The following SCHIP1 variants were observed in gnomAD, a reference collection of about 807,000 sequenced individuals.
SCHIP1 encodes schwannomin-interacting protein 1.
A neutral mutation model predicts 29.7 loss-of-function variants in SCHIP1; 8 were observed. The observed-to-expected ratio is 0.27, with a 90% CI of 0.16 to 0.49. SCHIP1 has a LOEUF of 0.49. SCHIP1 is among the 20% of genes least tolerant of loss of function. The pLI, the probability that SCHIP1 is intolerant of heterozygous loss-of-function variation, is 0.99. For missense variants in SCHIP1, 193 were observed against 294.6 expected, an observed-to-expected ratio of 0.66 and a Z score of 2.52; for synonymous variants, 76 against 94.9, an observed-to-expected ratio of 0.80 and a Z score of 1.16.
At chr3:159,398,963 T>C in the SCHIP1 span, 1,741 of 983,424 alleles carry the variant, frequency 1.8e-3, 5 homozygotes, top group South Asian at 8.0e-3. Flanking sequence ...GTGTGGGCAA[T>C]TTGCCCAGTC....
the SCHIP1 span, among the ~76,000 whole-genome samples, chr3:159,357,615 A>G: frequency 6.6e-6 from 1 of 152,254 alleles, no homozygotes; most frequent in East Asian, 1.9e-4. Flanking sequence ...TTTCTGAAAC[A>G]AAGGTCCTTT....
At chr3:159,619,895 G>C in the SCHIP1 span, among the ~76,000 whole-genome samples, 6 of 152,150 alleles carry the variant, frequency 3.9e-5, no homozygotes, top group African/African-American at 1.4e-4. Context: ...TAGAAAGGGG[G>C]AATGCTAAAA....
the SCHIP1 span, among the ~76,000 whole-genome samples, chr3:159,785,192 A>T: frequency 6.6e-6 from 1 of 152,224 alleles, no homozygotes; most frequent in African/African-American, 2.4e-5. Context: ...GTTAGTAAAT[A>T]AACAAATGAA....
chr3:159,896,915 C>A, exon 7 of SCHIP1: 2 of 802,546 alleles, frequency 2.5e-6, no homozygotes, highest in African/African-American at 1.8e-5. Context: ...CAGTGATTGG[C>A]CTTTGCTTCT....
the SCHIP1 span, among the ~76,000 whole-genome samples, chr3:159,652,809 G>T: frequency 6.6e-6 from 1 of 152,190 alleles, no homozygotes; most frequent in Admixed American, 6.5e-5. Context: ...TTTAGGACTA[G>T]TTTGTAATGA....
chr3:159,650,398 T>G, the SCHIP1 span, among the ~76,000 whole-genome samples: 1 of 152,190 alleles, frequency 6.6e-6, no homozygotes, highest in African/African-American at 2.4e-5. Flanking sequence ...AAAATTGTTG[T>G]AGAAGTTACG....
chr3:159,470,509 A>T, the SCHIP1 span, among the ~76,000 whole-genome samples: 1 of 152,134 alleles, frequency 6.6e-6, no homozygotes, highest in African/African-American at 2.4e-5. Flanking sequence ...ACAGAGCTAT[A>T]ATGGGCCCAG....
chr3:159,472,771 G>C, the SCHIP1 span, among the ~76,000 whole-genome samples: 1 of 152,176 alleles, frequency 6.6e-6, no homozygotes, highest in Non-Finnish European at 1.5e-5. Flanking sequence ...GGAGCCACCA[G>C]TACCGACCTG....
At chr3:159,887,605 T>A in intron 3 of SCHIP1, 103 bp from the exon 5 acceptor site, 2 of 1,332,938 alleles carry the variant, frequency 1.5e-6, no homozygotes, top group Non-Finnish European at 2.1e-6. Flanking sequence ...GAGGGAACTC[T>A]GAGCTGCTCT....
the SCHIP1 span, among the ~76,000 whole-genome samples, chr3:159,393,829 AG>A: frequency 1.3e-5 from 2 of 152,034 alleles, no homozygotes; most frequent in African/African-American, 4.8e-5. Context: ...ACTTTAAAGT[AG>A]TTTTTGCCAA....
At chr3:159,862,195 C>G (rs569525853) in intron 1 of SCHIP1, among the ~76,000 whole-genome samples, 7 of 152,200 alleles carry the variant, frequency 4.6e-5, no homozygotes, top group African/African-American at 7.2e-5. Flanking sequence ...AGAAGTAGAC[C>G]CATAAGTCTT....
the SCHIP1 span, among the ~76,000 whole-genome samples, chr3:159,483,866 T>C: frequency 6.6e-6 from 1 of 152,146 alleles, no homozygotes; most frequent in Non-Finnish European, 1.5e-5. Flanking sequence ...TTATTATTAC[T>C]GAGTACAGCA....
At chr3:159,320,047 G>A in the SCHIP1 span, among the ~76,000 whole-genome samples, 2 of 152,116 alleles carry the variant, frequency 1.3e-5, no homozygotes, top group Non-Finnish European at 2.9e-5. Flanking sequence ...AGAGGTGATC[G>A]GGTCACGAAG....
chr3:159,287,712 A>G, the SCHIP1 span, among the ~76,000 whole-genome samples: 5 of 152,130 alleles, frequency 3.3e-5, no homozygotes, highest in Non-Finnish European at 5.9e-5. Context: ...AATTATTCTC[A>G]TTTTACAGGT....
chr3:159,793,339 A>G, the SCHIP1 span, among the ~76,000 whole-genome samples: 2 of 152,154 alleles, frequency 1.3e-5, no homozygotes, highest in Admixed American at 6.5e-5. Context: ...GATAAAGCCA[A>G]TCTTTGTGCT....
the SCHIP1 span, among the ~76,000 whole-genome samples, chr3:159,493,836 G>C: frequency 2.6e-5 from 4 of 152,178 alleles, no homozygotes; most frequent in African/African-American, 7.2e-5. Context: ...TTCCAAAATC[G>C]ACTACATAGT....
chr3:159,608,519 G>A, the SCHIP1 span, among the ~76,000 whole-genome samples: 9 of 152,168 alleles, frequency 5.9e-5, no homozygotes, highest in African/African-American at 9.7e-5. Context: ...GACTGTGGCC[G>A]AGTTTTAGAG....
chr3:159,694,592 GAA>G, the SCHIP1 span, among the ~76,000 whole-genome samples: 1 of 136,092 alleles, frequency 7.3e-6, no homozygotes, highest in Non-Finnish European at 1.7e-5. Context: ...AAGAAAGAAA[GAA>G]AGAAAGAAAG....
At chr3:159,427,910 T>A in the SCHIP1 span, among the ~76,000 whole-genome samples, 2 of 151,540 alleles carry the variant, frequency 1.3e-5, no homozygotes, top group Non-Finnish European at 3.0e-5. Context: ...AACTATCTGA[T>A]CTTTGACAAA....
Sources: gnomAD v4.1 joint callset for allele counts (sites outside exome capture counted in the v4.1 genomes callset) on GRCh38, gnomAD v4.1.1 for gene constraint, MANE v1.5 for transcripts, NCBI Gene and HGNC (gene_info 2026-07-23, HGNC 2026-07-21) for gene names.